Variants in PCDH15 observed in about 807,000 individuals in gnomAD.
PCDH15 encodes protocadherin-15.
In PCDH15, 129 loss-of-function variants were observed where a neutral mutation model predicts 178.5. The ratio of observed to expected loss-of-function variants is 0.72; its 90% confidence interval spans 0.63 to 0.84. The LOEUF is 0.84. PCDH15 is among the 40% of genes least tolerant of loss of function. The pLI is 0.00. For missense variants in PCDH15, 2,230 were observed against 2,099.9 expected, an observed-to-expected ratio of 1.06 and a Z score of -1.21; for synonymous variants, 800 against 732.0, an observed-to-expected ratio of 1.09 and a Z score of -1.50.
At chr10:55,236,536 T>TTAAA (rs1158646661) in intron 1 of PCDH15, among the ~76,000 whole-genome samples, 1 of 152,026 alleles carries the variant, frequency 6.6e-6, no homozygotes, top group African/African-American at 2.4e-5. Flanking sequence ...TTGTGCCTTA[T>TTAAA]TAAACATTAA....
rs143827620 is a variant in PCDH15, at chr10:54,195,732, T to C, written c.1256A>G (p.Asn419Ser). The change falls in exon 11 of 38, where the codon AAT becomes AGT. Residue 419 changes from asparagine to serine, a missense_variant. Transcript: ENST00000644397. ...PVGATISDSL[N>S]LTSPLRIVAL... ...TACTATTCTTAAAGGTGAAGTCAAA[T>C]TGAGACTGTCCGAAATGGTTGCTCC... 143 of 1,614,074 alleles carry C rather than the reference T, an allele frequency of 8.9e-5. No individual in the cohort carries two copies. The African/African-American group carries it at 1.6e-3, about 19-fold the overall frequency.
chr10:54,613,155 G>A (rs1159228852), intron 2 of PCDH15, among the ~76,000 whole-genome samples: 1 of 151,744 alleles, frequency 6.6e-6, no homozygotes. Flanking sequence ...TTTAAAGCAC[G>A]CTTTAGAGAG....
intron 2 of PCDH15, among the ~76,000 whole-genome samples, chr10:55,564,892 C>A (rs891122328): frequency 6.6e-6 from 1 of 151,466 alleles, no homozygotes; most frequent in Non-Finnish European, 1.5e-5. Context: ...AATAGTTCTA[C>A]AATAATAATT....
chr10:55,500,587 T>A lies in PCDH15; in HGVS notation c.-156+127038A>T, dbSNP rs1407794658. 5.3e-5 allele frequency among the ~76,000 whole-genome samples: 8 copies of A among 151,746 alleles called. No homozygotes were observed. In the Admixed American group the frequency reaches 5.3e-4, roughly 10 times the overall value. The stretch of plus-strand genomic sequence containing the variant: ...TAGAACAGAGACCCAAATTCTTCAG[T>A]TCTAACTAGCTCCCAAGTGATGACA... On this transcript the variant is annotated intron_variant, in intron 2 of 5. Coordinates refer to the PCDH15 transcript ENST00000613346.
At chr10:55,592,151 G>A (rs367951883) in intron 2 of PCDH15, among the ~76,000 whole-genome samples, 7 of 152,066 alleles carry the variant, frequency 4.6e-5, no homozygotes, top group South Asian at 2.1e-4. Flanking sequence ...TTCTTATTGC[G>A]CCGGTATTTT....
intron 3 of PCDH15, among the ~76,000 whole-genome samples, chr10:54,450,571 T>C (rs377188840): frequency 6.6e-6 from 1 of 151,924 alleles, no homozygotes. Flanking sequence ...TAACCCTGCC[T>C]CTTCTCTTAC....
At chr10:54,550,733 T>C (rs1435123122) in intron 2 of PCDH15, among the ~76,000 whole-genome samples, 1 of 152,234 alleles carries the variant, frequency 6.6e-6, no homozygotes, top group Admixed American at 6.5e-5. Context: ...TATTCAAGTA[T>C]ATGATTTTCT....
At chr10:54,427,953 A>G (rs991941838) in intron 3 of PCDH15, among the ~76,000 whole-genome samples, 6 of 152,242 alleles carry the variant, frequency 3.9e-5, no homozygotes, top group Non-Finnish European at 5.9e-5. Context: ...GACAATTGTT[A>G]AGAAAACAAA....
At chr10:54,301,528 A>G (rs1433084269) in intron 8 of PCDH15, among the ~76,000 whole-genome samples, 1 of 152,154 alleles carries the variant, frequency 6.6e-6, no homozygotes, top group Non-Finnish European at 1.5e-5. Flanking sequence ...GGGAGTTGAA[A>G]AGAAGTACAA....
intron 26 of PCDH15, among the ~76,000 whole-genome samples, chr10:53,867,910 G>T (rs2079564867): frequency 6.6e-6 from 1 of 151,930 alleles, no homozygotes; most frequent in Non-Finnish European, 1.5e-5. Context: ...AAACATATTT[G>T]TTCCTGGTGA....
chr10:54,389,784 C>CAAA lies in PCDH15; in HGVS notation c.158-10845_158-10843dup, dbSNP rs35298368. ...TGAAACACCATCTCTAATAAAAATA[C>CAAA]AAAAAAAAAAAAAAAAAATTAACCA... On this transcript the variant is annotated intron_variant, in intron 3 of 37. Transcript: ENST00000644397. Among the ~76,000 whole-genome samples, 301 of 70,004 alleles carry CAAA rather than the reference C, an allele frequency of 4.3e-3. 2 individuals are homozygous for CAAA. Among genetic ancestry groups the CAAA allele is most frequent in the African/African-American group, 0.01 (214 of 21,160 alleles). The allele number at this position is 70,004 out of a possible 152,430, so 45.9% of individuals were successfully genotyped here.
intron 1 of PCDH15, among the ~76,000 whole-genome samples, chr10:54,709,558 A>G (rs991400503): frequency 6.8e-6 from 1 of 146,110 alleles, no homozygotes; most frequent in Non-Finnish European, 1.5e-5. Context: ...CAAGGAAACA[A>G]GGAAACACAC....
chr10:55,416,429 CTATG>C (rs2132040194), intron 2 of PCDH15, among the ~76,000 whole-genome samples: 1 of 151,826 alleles, frequency 6.6e-6, no homozygotes, highest in South Asian at 2.1e-4. Flanking sequence ...TTCAGGATGA[CTATG>C]TAATTACATA....
chr10:54,699,566 T>C (rs2095280404), intron 1 of PCDH15, among the ~76,000 whole-genome samples: 1 of 152,108 alleles, frequency 6.6e-6, no homozygotes, highest in South Asian at 2.1e-4. Flanking sequence ...CAGACTTCAG[T>C]GTTTCTCTGA....
chr10:53,926,651 T>C (rs1294036604), intron 25 of PCDH15, among the ~76,000 whole-genome samples: 1 of 152,176 alleles, frequency 6.6e-6, no homozygotes, highest in Non-Finnish European at 1.5e-5. Flanking sequence ...AAGCTGCACC[T>C]CAACCACCTT....
In PCDH15 at chr10:55,183,330, C is replaced by T. The variant is rs150643408; in HGVS notation, c.-155-16679G>A. 2.9e-3 allele frequency among the ~76,000 whole-genome samples: 448 copies of T among 152,022 alleles called. 5 individuals carry two copies. Among genetic ancestry groups the T allele is most frequent in the African/African-American group, 0.01 (417 of 41,518 alleles). ...AAAAACATAGTAGCAATTTCCACATCTTGATACATATTGTAAATTATCATT... is the reference window on the plus strand; with the variant it reads ...AAAAACATAGTAGCAATTTCCACATTTTGATACATATTGTAAATTATCATT... On this transcript the variant is annotated intron_variant, in intron 1 of 5. Transcript: ENST00000458638.
chr10:54,189,919 A>ATG (rs531733552), intron 11 of PCDH15, among the ~76,000 whole-genome samples: 22,829 of 108,572 alleles, frequency 0.21, 2,417 homozygotes, highest in East Asian at 0.6. Context: ...GTATACATGC[A>ATG]TGTGTATGTG....
At chr10:54,200,318 A>G (rs901879327) in intron 10 of PCDH15, among the ~76,000 whole-genome samples, 3 of 125,228 alleles carry the variant, frequency 2.4e-5, no homozygotes, top group Non-Finnish European at 4.7e-5. Flanking sequence ...ATACATGTGC[A>G]GAATGTGCAG....
intron 2 of PCDH15, among the ~76,000 whole-genome samples, chr10:55,550,979 G>A (rs1264128689): frequency 3.3e-5 from 5 of 151,954 alleles, no homozygotes; most frequent in Non-Finnish European, 7.4e-5. Context: ...AGAGGAGTAC[G>A]TTAAATTATA....
Sources: allele counts gnomAD v4.1 joint callset (sites outside exome capture counted in the v4.1 genomes callset), GRCh38; gene constraint gnomAD v4.1.1; transcripts MANE v1.5; gene names NCBI Gene and HGNC (gene_info 2026-07-23, HGNC 2026-07-21).